KCNQ2: variants seen among roughly 807,000 people sequenced by gnomAD.
KCNQ2 encodes the protein potassium voltage-gated channel subfamily KQT member 2.
A neutral mutation model predicts 84.8 loss-of-function variants in KCNQ2; 14 were observed. The observed-to-expected ratio is 0.17, with a 90% confidence interval of 0.11 to 0.26. The LOEUF (loss-of-function observed/expected upper bound fraction) is 0.26, where lower values mean the gene tolerates loss of function less well. Among genes scored for constraint, KCNQ2 ranks in the 10% least tolerant of loss-of-function variants. The pLI is 1.00. For missense variants in KCNQ2, 788 were observed against 1,254.0 expected, an observed-to-expected ratio of 0.63 and a Z score of 5.61; for synonymous variants, 599 against 554.1, an observed-to-expected ratio of 1.08 and a Z score of -1.14.
chr20:63,439,846 A>G (rs954390561), intron 5 of KCNQ2, 138 bp from the exon 6 acceptor site: 2 of 720,470 alleles, frequency 2.8e-6, no homozygotes, highest in Non-Finnish European at 5.0e-6. Context: ...ACGGAGGCCC[A>G]GTGAGGCCAG....
At chr20:63,423,516 G>T (rs965744480) in intron 11 of KCNQ2, 2 of 152,356 alleles carry the variant, frequency 1.3e-5, no homozygotes, top group Non-Finnish European at 2.9e-5. Context: ...CCCCAGCAGA[G>T]CCCTTACACG....
At chr20:63,466,463 G>A (rs912001919) in intron 1 of KCNQ2, 4 of 152,276 alleles carry the variant, frequency 2.6e-5, no homozygotes, top group African/African-American at 7.2e-5. Context: ...CGGAGGGGCA[G>A]AGCGACGCCG....
Position 63,415,333 on chromosome 20 carries a change from G to A in KCNQ2, c.1302-207C>T, listed in dbSNP as rs555641778. Among the ~76,000 whole-genome samples the A allele has an allele frequency of 0.011, 1,573 of 137,552 alleles. 96 individuals carry two copies. Among genetic ancestry groups the A allele is most frequent in the African/African-American group, 0.045 (1,460 of 32,798 alleles). 90.2% of individuals were successfully genotyped at this position (137,552 alleles called of 152,430 possible). ...GGGAGGGAGGGAGGGGAGGCCACGG[G>A]GACCGAGCACCCGGTGGGAGGGAGG... On this transcript the variant is annotated intron_variant, in intron 12 of 16. Transcript: ENST00000359125.
chr20:63,415,761 G>A (rs879283377), intron 12 of KCNQ2, among the ~76,000 whole-genome samples: 2 of 152,156 alleles, frequency 1.3e-5, no homozygotes, highest in African/African-American at 2.4e-5. Flanking sequence ...AAACACCGGG[G>A]CTGTGGCTCT....
intron 7 of KCNQ2, among the ~76,000 whole-genome samples, chr20:63,436,385 G>C (rs545799045): frequency 2.0e-5 from 3 of 152,290 alleles, no homozygotes; most frequent in African/African-American, 7.2e-5. Flanking sequence ...CAAAAAATTA[G>C]CCAGGCGTGG....
At chr20:63,445,036 C>T (rs974527806) in intron 3 of KCNQ2, among the ~76,000 whole-genome samples, 2 of 152,188 alleles carry the variant, frequency 1.3e-5, no homozygotes, top group Non-Finnish European at 2.9e-5. Flanking sequence ...GGCAGCCCAG[C>T]GCCACATTCC....
rs902565735 is a variant in KCNQ2, at chr20:63,400,572, G to A, written c.*6072C>T. 4.5e-5 allele frequency: 18 copies of A among 398,506 alleles called. No individual in the cohort carries two copies. The East Asian group carries it at 4.6e-4, about 10-fold the overall frequency. 24.7% of individuals were successfully genotyped at this position (398,506 alleles called of 1,614,324 possible). A position where few individuals can be genotyped will look rare whatever the true frequency, so the allele number is the denominator to read the frequency against. Reference sequence around the variant, plus strand: ...TACAAAATGGTCAGAAGTGTACGTCGGTACTGAAGGCATTATGAAATGTTC... The same window carrying A: ...TACAAAATGGTCAGAAGTGTACGTCAGTACTGAAGGCATTATGAAATGTTC... On this transcript the variant is annotated 3_prime_UTR_variant, in exon 17 of 17. Transcript: ENST00000359125. This position sits in a 1 kb window ranked among gnomAD's most constrained non-coding sequence, Gnocchi z 8.7.
chr20:63,465,629 C>CG (rs898425137), intron 1 of KCNQ2, among the ~76,000 whole-genome samples: 5 of 152,230 alleles, frequency 3.3e-5, no homozygotes, highest in Non-Finnish European at 7.3e-5. Flanking sequence ...AGTTCCTCGG[C>CG]GACAAGCTCA....
rs756028848 is a variant in KCNQ2, at chr20:63,442,391, A to G, written c.816+15T>C. On this transcript the variant is annotated intron_variant, in intron 5 of 16. Coordinates refer to ENST00000359125, the MANE Select transcript of KCNQ2 (RefSeq NM_172107.4). ...ATCAGCAGGGAAAGGGAAAACCACA[A>G]TGACCACAACTCACCAGGCCCCACC... 6 of 1,613,554 alleles carry G rather than the reference A, an allele frequency of 3.7e-6. No individual in the cohort carries two copies. Among genetic ancestry groups the G allele is most frequent in the Non-Finnish European group, 5.1e-6 (6 of 1,179,910 alleles).
chr20:63,456,788 A>T (rs765022476), intron 1 of KCNQ2, among the ~76,000 whole-genome samples: 2 of 152,172 alleles, frequency 1.3e-5, no homozygotes, highest in African/African-American at 2.4e-5. Context: ...CTCCCACTGC[A>T]GGGGGTCCTG....
In KCNQ2 at chr20:63,438,562, C is replaced by G. The variant is rs2145711371; in HGVS notation, c.1023+63G>C. ...AATGCCAAAGCCCCAGCGGCCTCCA[C>G]TCCTCAACAAGGTGGGACCAGGACA... On this transcript the variant is annotated intron_variant, in intron 7 of 16. Transcript: ENST00000359125. This position sits in a 1 kb window ranked among gnomAD's most constrained non-coding sequence, Gnocchi z 5.1. The G allele has an allele frequency of 7.0e-7, 1 of 1,431,984 alleles. No individual in the cohort carries two copies. Among genetic ancestry groups the G allele is most frequent in the South Asian group, 1.1e-5 (1 of 87,688 alleles). 88.7% of individuals were successfully genotyped at this position (1,431,984 alleles called of 1,614,324 possible).
At chr20:63,448,400 G>A (rs1386023616) in intron 1 of KCNQ2, 1 of 152,284 alleles carries the variant, frequency 6.6e-6, no homozygotes, top group Middle Eastern at 3.2e-3. Flanking sequence ...TCAGAACCAG[G>A]AGCCGGCGGG....
chr20:63,435,146 T>C (rs1054345933), intron 7 of KCNQ2, among the ~76,000 whole-genome samples: 2 of 152,134 alleles, frequency 1.3e-5, no homozygotes, highest in African/African-American at 4.8e-5. Context: ...TCACAACACC[T>C]TGGAGGCTGA....
chr20:63,435,007 A>C (rs368140238), intron 7 of KCNQ2, among the ~76,000 whole-genome samples: 24 of 152,342 alleles, frequency 1.6e-4, no homozygotes, highest in African/African-American at 5.5e-4. Flanking sequence ...TCTGAGAAAC[A>C]ACCGAACTGC....
rs1208689949 is a variant in KCNQ2 at position 63,400,328 on chromosome 20, C to G, written c.*6316G>C. On this transcript the variant is annotated 3_prime_UTR_variant, in exon 17 of 17. Coordinates refer to ENST00000359125, the MANE Select transcript of KCNQ2 (RefSeq NM_172107.4). The surrounding 1 kb of genome is among the most constrained non-coding windows in gnomAD (Gnocchi z 8.7). ...CCATCGCGGCCGCAGGACCCCACAC[C>G]CGAAGTCCCCCGCAAACCCGCACTG... 9.8e-6 allele frequency: 3 copies of G among 305,454 alleles called. No homozygotes were observed. Among genetic ancestry groups the G allele is most frequent in the Non-Finnish European group, 1.8e-5 (3 of 167,938 alleles). 18.9% of individuals were successfully genotyped at this position (305,454 alleles called of 1,614,324 possible).
At chr20:63,433,738 GT>G in intron 8 of KCNQ2, 70 bp downstream of exon 8, 1 of 1,611,550 alleles carries the variant, frequency 6.2e-7, no homozygotes, top group South Asian at 1.1e-5. Flanking sequence ...ACAACAAAAA[GT>G]GGGGTTTAAG....
intron 1 of KCNQ2, among the ~76,000 whole-genome samples, chr20:63,458,472 C>T (rs935894322): frequency 9.2e-5 from 14 of 152,216 alleles, no homozygotes; most frequent in African/African-American, 1.4e-4. Context: ...CTCTCCTACC[C>T]GCAGGTCCCA....
rs779986547 is a variant in KCNQ2 at position 63,406,715 on chromosome 20, C to G, written c.2548G>C (p.Gly850Arg). ...DTDSDLCTPC[G>R]PPPRSATGEG... is the part of the protein sequence containing the mutation. ...CCGGTGGCCGAGCGTGGCGGGGGCC[C>G]GCACGGGGTACAGAGGTCGGAGTCG... is the stretch of plus-strand genomic sequence containing the variant. The change falls in exon 17 of 17, where the codon GGG becomes CGG. Residue 850 changes from glycine (G) to arginine (R), a missense_variant. Physicochemically the swap from Gly to Arg is moderately radical, Grantham distance 125. This residue lies in a region of KCNQ2 where 378 missense variants were observed against 434.5 expected (regional missense o/e 0.87). Coordinates refer to ENST00000359125, the MANE Select transcript of KCNQ2 (RefSeq NM_172107.4). The G allele has an allele frequency of 6.2e-7, 1 of 1,604,542 alleles. No individual in the cohort carries two copies. The highest frequency in any genetic ancestry group is 2.3e-5 in the East Asian group (1 of 44,412).
At chr20:63,445,912 G>A (rs2081408366) in intron 2 of KCNQ2, among the ~76,000 whole-genome samples, 1 of 122,412 alleles carries the variant, frequency 8.2e-6, no homozygotes, top group East Asian at 2.8e-4. Flanking sequence ...GTCTGAGCTG[G>A]GGGACCCTGT....
Sources: gnomAD v4.1 joint callset for allele counts (sites outside exome capture counted in the v4.1 genomes callset) on GRCh38, gnomAD v4.1.1 for gene constraint, gnomAD v4.1.1 regional missense constraint, Gnocchi (gnomAD v3.1) non-coding constraint, MANE v1.5 for transcripts, NCBI Gene and HGNC (gene_info 2026-07-23, HGNC 2026-07-21) for gene names.